UNC5A: variants seen among roughly 807,000 people sequenced by gnomAD.
UNC5A encodes the protein netrin receptor UNC5A.
UNC5A carries 20 observed loss-of-function variants against 87.4 expected under a neutral mutation model. That is an observed-to-expected ratio of 0.23 (90% CI 0.16 to 0.33). The LOEUF (loss-of-function observed/expected upper bound fraction) is 0.33, where lower values mean the gene tolerates loss of function less well. Among genes scored for constraint, UNC5A ranks in the 10% least tolerant of loss-of-function variants. The probability of loss-of-function intolerance (pLI) is 1.00; values close to 1 mark genes in which losing one functional copy is unlikely to be tolerated. For synonymous variants in UNC5A, 438 were observed against 482.3 expected (o/e 0.91, Z 1.20); for missense variants, 844 against 1,133.4 (o/e 0.74, Z 3.67).
At chr5:176,847,833 C>T (rs1379699082) in intron 1 of UNC5A, among the ~76,000 whole-genome samples, 1 of 150,986 alleles carries the variant, frequency 6.6e-6, no homozygotes, top group Non-Finnish European at 1.5e-5. Context: ...CCCCTCCCCC[C>T]GTGTCCCCCT....
intron 1 of UNC5A, among the ~76,000 whole-genome samples, chr5:176,811,766 G>A (rs1756461968): frequency 6.6e-6 from 1 of 152,056 alleles, no homozygotes; most frequent in Non-Finnish European, 1.5e-5. Flanking sequence ...CATTTGTGTG[G>A]TCAAGGGGGC....
At position 176,877,275 on chromosome 5, in the gene UNC5A, G is replaced by C. The variant is rs780065528; in HGVS notation, c.1462G>C (p.Val488Leu). 4 of 1,611,856 alleles carry C rather than the reference G, an allele frequency of 2.5e-6. No homozygotes were observed. Among genetic ancestry groups the C allele is most frequent in the African/African-American group, 2.7e-5 (2 of 74,894 alleles). Residue 488 changes from valine (V) to leucine (L), a missense_variant, in exon 9 of 15, where the codon GTG (valine) becomes CTG (leucine). Transcript: ENST00000329542. ...IYLTLHKPEDVRLPLAGCQTL... is the reference protein window; with the variant it reads ...IYLTLHKPEDLRLPLAGCQTL... Reference sequence around the variant, plus strand: ...CCTCACGCTGCACAAGCCGGAAGACGTGAGGTGTGGCCGCGGGCCCTGTTG... The same window carrying C: ...CCTCACGCTGCACAAGCCGGAAGACCTGAGGTGTGGCCGCGGGCCCTGTTG...
In UNC5A at chr5:176,841,349, G is replaced by C. The variant is rs1363008862; in HGVS notation, c.71-21275G>C. Among the ~76,000 whole-genome samples the C allele has an allele frequency of 6.6e-6, 1 of 152,194 alleles. No individual in the cohort carries two copies. The highest frequency in any genetic ancestry group is 1.5e-5 in the Non-Finnish European group (1 of 68,048). On this transcript the variant is annotated intron_variant, in intron 1 of 14. Coordinates refer to ENST00000329542, the MANE Select transcript of UNC5A (RefSeq NM_133369.3). This position sits in a 1 kb window ranked among gnomAD's most constrained non-coding sequence, Gnocchi z 4.1. ...AGCTCCCAGCTTCCAGATCAGAGCT[G>C]TGCCCACCACCCCAGAGCTGCACCC...
At position 176,824,930 on chromosome 5, in the gene UNC5A, G is replaced by A. The variant is rs912611378; in HGVS notation, c.70+14110G>A. On this transcript the variant is annotated intron_variant, in intron 1 of 14. Transcript: ENST00000329542. This position sits in a 1 kb window ranked among gnomAD's most constrained non-coding sequence, Gnocchi z 4.2. ...TCACCCCCGCTCCCGTGCACACCAAGGCTGCGTCTCCCCACCCTGTGCACA... is the reference window on the plus strand; with the variant it reads ...TCACCCCCGCTCCCGTGCACACCAAAGCTGCGTCTCCCCACCCTGTGCACA... 6.6e-6 allele frequency among the ~76,000 whole-genome samples: 1 copy of A among 152,172 alleles called. No individual in the cohort carries two copies. The highest frequency in any genetic ancestry group is 1.5e-5 in the Non-Finnish European group (1 of 68,032).
At chr5:176,867,045 C>A (rs1396949931) in intron 2 of UNC5A, among the ~76,000 whole-genome samples, 1 of 152,198 alleles carries the variant, frequency 6.6e-6, no homozygotes, top group Non-Finnish European at 1.5e-5. Context: ...AGCCTCCCAG[C>A]CTGCCGGCTC....
At chr5:176,873,497 G>T (rs1470441969) in intron 6 of UNC5A, among the ~76,000 whole-genome samples, 3 of 152,108 alleles carry the variant, frequency 2.0e-5, no homozygotes, top group African/African-American at 7.2e-5. Context: ...AGGCCTTGGG[G>T]AGGCAGACAG....
rs762929019 is a variant in UNC5A at position 176,868,158 on chromosome 5, T to C, written c.321T>C (p.Asn107=). 2 of 1,613,200 alleles carry C rather than the reference T, an allele frequency of 1.2e-6. No individual in the cohort carries two copies. Among genetic ancestry groups the C allele is most frequent in the Non-Finnish European group, 1.7e-6 (2 of 1,179,812 alleles). ...TGCCCACCATGGAGGTCCGCATTAA[T>C]GTCTCAAGGCAGCAGGTCGAGAAGG... ...SGLPTMEVRI[N]VSRQQVEKVF... The change falls in exon 3 of 15, where the codon AAT becomes AAC. Residue 107 remains asparagine, a synonymous_variant. Transcript: ENST00000329542.
intron 1 of UNC5A, among the ~76,000 whole-genome samples, chr5:176,815,224 G>T (rs556075144): frequency 6.6e-6 from 1 of 152,186 alleles, no homozygotes; most frequent in South Asian, 2.1e-4. Flanking sequence ...CAGCTCCTAC[G>T]TGGGGTGGGA....
At chr5:176,864,151 G>A (rs779674375) in intron 2 of UNC5A, among the ~76,000 whole-genome samples, 20 of 152,046 alleles carry the variant, frequency 1.3e-4, no homozygotes, top group Non-Finnish European at 2.6e-4. Context: ...GCCTAGAGAG[G>A]TGGCCCAGGA....
chr5:176,840,574 G>A (rs142153237), intron 1 of UNC5A, among the ~76,000 whole-genome samples: 200 of 152,268 alleles, frequency 1.3e-3, no homozygotes, highest in African/African-American at 4.3e-3. Context: ...CCATTGGTCC[G>A]GAGCAGAGCT....
intron 1 of UNC5A, among the ~76,000 whole-genome samples, chr5:176,814,044 G>A (rs949949426): frequency 6.6e-6 from 1 of 152,104 alleles, no homozygotes; most frequent in African/African-American, 2.4e-5. Flanking sequence ...CATCTAATAT[G>A]TCACCAAGTC....
chr5:176,852,901 G>A, intron 1 of UNC5A, among the ~76,000 whole-genome samples: 1 of 152,376 alleles, frequency 6.6e-6, no homozygotes, highest in East Asian at 1.9e-4. Flanking sequence ...ATGTGGTCCT[G>A]CTGTTGTGAC....
chr5:176,863,801 T>TCCCCC (rs1554099346), intron 2 of UNC5A, among the ~76,000 whole-genome samples: 4 of 15,582 alleles, frequency 2.6e-4, no homozygotes, highest in Non-Finnish European at 4.0e-4. Flanking sequence ...CCTTCTTCCC[T>TCCCCC]CCTTCCCCTC....
At chr5:176,834,507 G>T (rs981975926) in intron 1 of UNC5A, among the ~76,000 whole-genome samples, 10 of 152,296 alleles carry the variant, frequency 6.6e-5, no homozygotes, top group Admixed American at 3.9e-4. Context: ...TGCCAGGAAA[G>T]GACGAAAAAG....
At chr5:176,878,428 C>T in intron 12 of UNC5A, 35 bp downstream of exon 12, 1 of 1,612,256 alleles carries the variant, frequency 6.2e-7, no homozygotes, top group South Asian at 1.1e-5. Context: ...GCACAAGAGG[C>T]CTGGAGCTTG....
chr5:176,862,935 C>G, intron 2 of UNC5A, 90 bp downstream of exon 2: 1 of 1,472,228 alleles, frequency 6.8e-7, no homozygotes, highest in Non-Finnish European at 9.3e-7. Context: ...CCAGGATTCC[C>G]CACCTGGGAC....
At chr5:176,813,626 G>C (rs139295843) in intron 1 of UNC5A, among the ~76,000 whole-genome samples, 1 of 152,180 alleles carries the variant, frequency 6.6e-6, no homozygotes, top group African/African-American at 2.4e-5. Flanking sequence ...AGGAACCAGG[G>C]ATAGGCATTG....
chr5:176,859,703 A>AATG (rs1386647094), intron 1 of UNC5A, among the ~76,000 whole-genome samples: 20 of 54,254 alleles, frequency 3.7e-4, no homozygotes, highest in African/African-American at 1.1e-3. Context: ...TAGCTGCTAG[A>AATG]ATGTCCTTGC....
rs1758301157 is a variant in UNC5A at position 176,877,828 on chromosome 5, T to C, written c.1636-66T>C. The C allele has an allele frequency of 2.0e-6, 3 of 1,530,004 alleles. No homozygotes were observed. The East Asian group carries it at 7.1e-5, about 36-fold the overall frequency. 94.8% of individuals were successfully genotyped at this position (1,530,004 alleles called of 1,614,324 possible). ...CCCTCCCCAGTCTCCGGCCACTTCT[T>C]GAAGCCACAGCTGGCCCTAGGGCTC... On this transcript the variant is annotated intron_variant, in intron 10 of 14. Transcript: ENST00000329542.
Sources: gnomAD v4.1 joint callset for allele counts (sites outside exome capture counted in the v4.1 genomes callset) on GRCh38, gnomAD v4.1.1 for gene constraint, Gnocchi (gnomAD v3.1) non-coding constraint, MANE v1.5 for transcripts, NCBI Gene and HGNC (gene_info 2026-07-23, HGNC 2026-07-21) for gene names.